BCHE: variants seen among roughly 807,000 people sequenced by gnomAD.
BCHE encodes cholinesterase.
BCHE carries 48 observed loss-of-function variants against 51.3 expected under a neutral mutation model. The ratio of observed to expected loss-of-function variants is 0.94; its 90% CI spans 0.74 to 1.19. The LOEUF (loss-of-function observed/expected upper bound fraction) is 1.19, where lower values mean the gene tolerates loss of function less well. Ranked by LOEUF, BCHE falls within the 50% of genes most tolerant of loss-of-function variation. BCHE has a pLI of 0.00. For missense variants in BCHE, 847 were observed against 708.2 expected (o/e 1.20, Z -2.23); for synonymous variants, 251 against 238.0 (o/e 1.05, Z -0.50).
intron 3 of BCHE, among the ~76,000 whole-genome samples, chr3:165,781,940 A>C (rs1194341221): frequency 2.0e-5 from 3 of 152,180 alleles, no homozygotes; most frequent in East Asian, 3.9e-4. Flanking sequence ...AATTTGTATG[A>C]TACAATATGC....
chr3:165,783,638 A>G (rs1712800551), intron 3 of BCHE, among the ~76,000 whole-genome samples: 1 of 152,008 alleles, frequency 6.6e-6, no homozygotes, highest in Non-Finnish European at 1.5e-5. Context: ...TCAATGGAGG[A>G]ATTATTGGAT....
chr3:165,794,772 GTGTC>G (rs1354474440), intron 2 of BCHE, among the ~76,000 whole-genome samples: 2 of 152,120 alleles, frequency 1.3e-5, no homozygotes, highest in African/African-American at 4.8e-5. Context: ...ATGTGTGTGT[GTGTC>G]TGTGTGTTTG....
chr3:165,785,524 A>G (rs1437996437), intron 3 of BCHE, among the ~76,000 whole-genome samples: 1 of 151,790 alleles, frequency 6.6e-6, no homozygotes, highest in Non-Finnish European at 1.5e-5. Context: ...TTCCTTACCC[A>G]TTTCTCACCA....
intron 2 of BCHE, among the ~76,000 whole-genome samples, chr3:165,797,191 T>TCCTTC (rs1413758070): frequency 8.5e-5 from 7 of 82,070 alleles, no homozygotes; most frequent in African/African-American, 2.0e-4. Context: ...CCTCCTTCGT[T>TCCTTC]CTTCCCTCCC....
Position 165,829,935 on chromosome 3 carries a change from T to C in BCHE, c.1099A>G (p.Lys367Glu). 1 of 1,613,640 alleles carries C rather than the reference T, an allele frequency of 6.2e-7. No homozygotes were observed. The highest frequency in any genetic ancestry group is 2.2e-5 in the East Asian group (1 of 44,850). Residue 367 changes from lysine (K) to glutamate (E), a missense_variant, in exon 2 of 4, where the codon AAA becomes GAA. Coordinates refer to ENST00000264381, the MANE Select transcript of BCHE (RefSeq NM_000055.4). ...CTAGTTATGATACTATTGTTATCTTTGCTGAAGCCAGGAGCACCATAGACT... is the reference window on the plus strand; with the variant it reads ...CTAGTTATGATACTATTGTTATCTTCGCTGAAGCCAGGAGCACCATAGACT... ...FLVYGAPGFSKDNNSIITRKE... is the reference protein window; with the variant it reads ...FLVYGAPGFSEDNNSIITRKE...
Position 165,830,774 on chromosome 3 carries a change from G to T in BCHE, c.260C>A (p.Thr87Lys). 1.2e-6 allele frequency: 2 copies of T among 1,613,686 alleles called. No homozygotes were observed. The highest frequency in any genetic ancestry group is 1.7e-6 in the Non-Finnish European group (2 of 1,179,824). ...CTGACAGCAAGAATTTGCATATTTT[G>T]TGGCATTCCAAATATCAGACCACTT... ...LTKWSDIWNA[T>K]KYANSCCQNI... Residue 87 changes from threonine to lysine, a missense_variant, in exon 2 of 4, where the codon ACA becomes AAA. By Grantham distance (78) the Thr-to-Lys change is moderately conservative. Coordinates refer to ENST00000264381, the MANE Select transcript of BCHE (RefSeq NM_000055.4).
intron 2 of BCHE, among the ~76,000 whole-genome samples, chr3:165,821,405 T>C (rs991477735): frequency 1.3e-5 from 2 of 151,656 alleles, no homozygotes; most frequent in African/African-American, 2.4e-5. Flanking sequence ...AGTTTTTCTG[T>C]TGTCATTTAA....
chr3:165,820,333 A>G (rs1274779404), intron 2 of BCHE, among the ~76,000 whole-genome samples: 1 of 152,062 alleles, frequency 6.6e-6, no homozygotes, highest in African/African-American at 2.4e-5. Flanking sequence ...TTCTTTTCAA[A>G]TACATTACAC....
In BCHE at chr3:165,778,620, C is replaced by T. The variant is rs549039025; in HGVS notation, c.1685-5114G>A. On this transcript the variant is annotated intron_variant, in intron 3 of 3. Coordinates refer to ENST00000264381, the MANE Select transcript of BCHE (RefSeq NM_000055.4). The stretch of plus-strand genomic sequence containing the variant: ...TGCAGGTATCTTCTCTTCTTAAAAG[C>T]TTTCCATGGTCCTGGGCCCTGACTC... 119 of 431,274 alleles carry T rather than the reference C, an allele frequency of 2.8e-4. 1 individual carries two copies. Among genetic ancestry groups the T allele is most frequent in the South Asian group, 1.9e-3 (117 of 62,218 alleles). 26.7% of individuals were successfully genotyped at this position (431,274 alleles called of 1,614,324 possible).
intron 1 of BCHE, among the ~76,000 whole-genome samples, chr3:165,834,281 T>A (rs1055012298): frequency 6.6e-6 from 1 of 152,064 alleles, no homozygotes; most frequent in East Asian, 1.9e-4. Context: ...GTAGGTCTTG[T>A]TATATAATAA....
chr3:165,794,762 A>ATG (rs1576845173), intron 2 of BCHE, among the ~76,000 whole-genome samples: 1 of 151,966 alleles, frequency 6.6e-6, no homozygotes, highest in Non-Finnish European at 1.5e-5. Context: ...GTGTGTGTGC[A>ATG]TGTGTGTGTG....
intron 2 of BCHE, among the ~76,000 whole-genome samples, chr3:165,797,675 C>G (rs894128161): frequency 6.6e-6 from 1 of 151,964 alleles, no homozygotes; most frequent in Non-Finnish European, 1.5e-5. Flanking sequence ...AAATTGGCTT[C>G]TTTTTTGAGT....
chr3:165,777,839 T>A, intron 3 of BCHE: 1 of 430,992 alleles, frequency 2.3e-6, no homozygotes, highest in Non-Finnish European at 4.7e-6. Flanking sequence ...TTTGTGATGA[T>A]CAACTTCCAC....
intron 1 of BCHE, among the ~76,000 whole-genome samples, chr3:165,836,878 T>C (rs1160453880): frequency 6.6e-6 from 1 of 151,976 alleles, no homozygotes; most frequent in East Asian, 1.9e-4. Context: ...CAGGAAAAAG[T>C]AAGTTAACTA....
chr3:165,825,270 T>C (rs1411504879), intron 2 of BCHE, among the ~76,000 whole-genome samples: 1 of 152,086 alleles, frequency 6.6e-6, no homozygotes, highest in Non-Finnish European at 1.5e-5. Flanking sequence ...AGTGATGTAG[T>C]ATCTGAATAT....
chr3:165,833,156 G>C (rs556159122), intron 1 of BCHE, among the ~76,000 whole-genome samples: 1 of 152,142 alleles, frequency 6.6e-6, no homozygotes, highest in African/African-American at 2.4e-5. Flanking sequence ...AATTAGATGT[G>C]TGCTAAGATC....
At chr3:165,822,204 A>G (rs895664495) in intron 2 of BCHE, among the ~76,000 whole-genome samples, 1 of 151,964 alleles carries the variant, frequency 6.6e-6, no homozygotes, top group Non-Finnish European at 1.5e-5. Flanking sequence ...TAAATGATAA[A>G]TAAATAAGAG....
chr3:165,804,799 G>A (rs1008923402), intron 2 of BCHE, among the ~76,000 whole-genome samples: 4 of 152,128 alleles, frequency 2.6e-5, no homozygotes, highest in African/African-American at 9.7e-5. Context: ...TTGAGTTTAA[G>A]GTCTTGAATT....
chr3:165,774,679 C>T (rs1363818176), intron 3 of BCHE, among the ~76,000 whole-genome samples: 1 of 152,072 alleles, frequency 6.6e-6, no homozygotes, highest in Non-Finnish European at 1.5e-5. Flanking sequence ...ATTGTTTCAG[C>T]CACTTACCTT....
Sources: gnomAD v4.1 joint callset for allele counts (sites outside exome capture counted in the v4.1 genomes callset) on GRCh38, gnomAD v4.1.1 for gene constraint, MANE v1.5 for transcripts, NCBI Gene and HGNC (gene_info 2026-07-23, HGNC 2026-07-21) for gene names.